Variants in ADGRB1 observed in about 807,000 individuals in gnomAD.
ADGRB1 encodes brain-specific angiogenesis inhibitor 1.
A neutral mutation model predicts 175.7 loss-of-function variants in ADGRB1; 36 were observed. That is an observed-to-expected ratio of 0.20 (90% CI 0.16 to 0.27). The LOEUF is 0.27. Ranked by LOEUF, ADGRB1 falls within the 10% of genes least tolerant of loss-of-function variation. ADGRB1 has a pLI of 1.00. For missense variants in ADGRB1, 1,731 were observed against 2,255.3 expected, an observed-to-expected ratio of 0.77 and a Z score of 4.71; for synonymous variants, 1,054 against 979.4, an observed-to-expected ratio of 1.08 and a Z score of -1.42.
At chr8:142,477,969 T>C (rs1841077384) in intron 6 of ADGRB1, among the ~76,000 whole-genome samples, 1 of 151,230 alleles carries the variant, frequency 6.6e-6, no homozygotes, top group Non-Finnish European at 1.5e-5. Context: ...AGGCTGGATG[T>C]GGGGTGGTGG....
chr8:142,527,994 C>G (rs545496193), intron 24 of ADGRB1, among the ~76,000 whole-genome samples: 1 of 152,204 alleles, frequency 6.6e-6, no homozygotes, highest in Non-Finnish European at 1.5e-5. Flanking sequence ...GGGCCAGCTG[C>G]GTTAGGTGCA....
In ADGRB1 at chr8:142,493,051, G is replaced by A. The variant is rs540953310; in HGVS notation, c.2675+2236G>A. Among the ~76,000 whole-genome samples, 1 of 152,054 alleles carries A rather than the reference G, an allele frequency of 6.6e-6. No individual in the cohort carries two copies. Among genetic ancestry groups the A allele is most frequent in the South Asian group, 2.1e-4 (1 of 4,796 alleles). On this transcript the variant is annotated intron_variant, in intron 17 of 30. Coordinates refer to ENST00000517894, the MANE Select transcript of ADGRB1 (RefSeq NM_001702.3). This position sits in a 1 kb window ranked among gnomAD's most constrained non-coding sequence, Gnocchi z 5.0. ...CCAGCGTGACCAGCGATCTTGCGAGGACAGCTTCACCCGTACTTCTGATTG... is the reference window on the plus strand; with the variant it reads ...CCAGCGTGACCAGCGATCTTGCGAGAACAGCTTCACCCGTACTTCTGATTG...
At position 142,523,914 on chromosome 8, in the gene ADGRB1, G is replaced by A. The variant is rs577878954; in HGVS notation, c.3246-324G>A. Among the ~76,000 whole-genome samples the A allele has an allele frequency of 2.0e-5, 3 of 152,220 alleles. No homozygotes were observed. The East Asian group carries it at 5.8e-4, about 30-fold the overall frequency. The stretch of plus-strand genomic sequence containing the variant: ...AGACCCCAAGAGAAGAGCCAGGAAG[G>A]GCCCAGGCCTGGGGAAGGAGGGACA... On this transcript the variant is annotated intron_variant, in intron 22 of 30. Transcript: ENST00000517894.
At position 142,464,082 on chromosome 8, in the gene ADGRB1, CCCCGCCTCCCTG is replaced by C; in HGVS notation, c.-113_-102del. The C allele has an allele frequency of 5.9e-6, 2 of 337,454 alleles. No individual in the cohort carries two copies. Among genetic ancestry groups the C allele is most frequent in the Non-Finnish European group, 4.5e-6 (1 of 222,270 alleles). The allele number at this position is 337,454 out of a possible 1,614,324, so 20.9% of individuals were successfully genotyped here. A position where few individuals can be genotyped will look rare whatever the true frequency, so the allele number is the denominator to read the frequency against. On this transcript the variant is annotated 5_prime_UTR_variant, in exon 2 of 31. Coordinates refer to ENST00000517894, the MANE Select transcript of ADGRB1 (RefSeq NM_001702.3). ...GGGGCCCTCTCCCATCCCACCCTTG[CCCCGCCTCCCTG>C]CCCCCACCGGGCCGGCCCTGCCCGC... is the stretch of plus-strand genomic sequence containing the variant.
At chr8:142,479,094 T>G in intron 7 of ADGRB1, 2 of 433,330 alleles carry the variant, frequency 4.6e-6, no homozygotes, top group Non-Finnish European at 4.0e-6. Flanking sequence ...GGTGGTGGGG[T>G]TGGCTGCATG....
chr8:142,464,351 C>T lies in ADGRB1; in HGVS notation c.153C>T (p.Phe51=). 6.6e-7 allele frequency: 1 copy of T among 1,517,024 alleles called. No individual in the cohort carries two copies. Among genetic ancestry groups the T allele is most frequent in the Non-Finnish European group, 8.8e-7 (1 of 1,137,590 alleles). 94.0% of individuals were successfully genotyped at this position (1,517,024 alleles called of 1,614,324 possible). ...EPCATLVQGK[F]FGYFSAAAVF... ...GCGCCACGCTGGTGCAGGGAAAGTT[C>T]TTCGGCTACTTCTCCGCGGCCGCCG... The change falls in exon 2 of 31, where the codon TTC becomes TTT. Residue 51 remains phenylalanine, a synonymous_variant. Transcript: ENST00000517894.
intron 12 of ADGRB1, 112 bp from the exon 13 acceptor site, chr8:142,484,544 C>T: frequency 8.6e-7 from 1 of 1,163,086 alleles, no homozygotes; most frequent in Non-Finnish European, 1.2e-6. Context: ...CCCACTTCCT[C>T]AAAATGTTAG....
chr8:142,536,859 G>A (rs1296426859), intron 25 of ADGRB1, 128 bp from the exon 26 acceptor site: 1 of 669,494 alleles, frequency 1.5e-6, no homozygotes, highest in Non-Finnish European at 2.4e-6. Context: ...CTGTGGGGAG[G>A]CCTCCTGCTG....
chr8:142,535,626 C>T lies in ADGRB1; in HGVS notation c.3571-1361C>T, dbSNP rs557523712. On this transcript the variant is annotated intron_variant, in intron 25 of 30. Transcript: ENST00000517894. ...AGCCGGCCCTGTGGCCTGGGACACT[C>T]CTGCAGGTGGGCAAGTCAGTCCCTC... Among the ~76,000 whole-genome samples, 12 of 152,290 alleles carry T rather than the reference C, an allele frequency of 7.9e-5. No individual in the cohort carries two copies. The South Asian group carries it at 2.5e-3, about 32-fold the overall frequency.
intron 2 of ADGRB1, among the ~76,000 whole-genome samples, chr8:142,466,170 G>A (rs1481498493): frequency 2.6e-5 from 4 of 152,156 alleles, no homozygotes; most frequent in South Asian, 2.1e-4. Context: ...TGCATACATC[G>A]GGTGTTCGGG....
chr8:142,488,244 G>T (rs1841790623), intron 13 of ADGRB1, 120 bp from the exon 14 acceptor site: 1 of 1,398,976 alleles, frequency 7.1e-7, no homozygotes, highest in African/African-American at 1.4e-5. Flanking sequence ...CTGAGCCATG[G>T]GCACCCCGCG....
At chr8:142,476,120 C>A (rs762693034) in intron 3 of ADGRB1, among the ~76,000 whole-genome samples, 1 of 152,270 alleles carries the variant, frequency 6.6e-6, no homozygotes, top group Non-Finnish European at 1.5e-5. Flanking sequence ...ATAAGGCTCT[C>A]TAATGACCCC....
Position 142,479,288 on chromosome 8 carries a change from G to A in ADGRB1, c.1562-35G>A, listed in dbSNP as rs777031112. 13 of 1,451,516 alleles carry A rather than the reference G, an allele frequency of 9.0e-6. No individual in the cohort carries two copies. In the African/African-American group the frequency reaches 1.9e-4, roughly 21 times the overall value. The allele number at this position is 1,451,516 out of a possible 1,614,324, so 89.9% of individuals were successfully genotyped here. A position where few individuals can be genotyped will look rare whatever the true frequency, so the allele number is the denominator to read the frequency against. On this transcript the variant is annotated intron_variant, in intron 7 of 30. Transcript: ENST00000517894. ...GTGGCTCCTGGACCCTGCCCTTCTT[G>A]TCGCCTGTGCCCTGTGTCTGGCCAC...
rs1016881048 is a variant in ADGRB1 at position 142,493,972 on chromosome 8, C to T, written c.2675+3157C>T. ...GGCAGGGGCCCAGGTCTGTTTCCACCAGGGCACCAAGGGACCGGGTCCAAG... is the reference window on the plus strand; with the variant it reads ...GGCAGGGGCCCAGGTCTGTTTCCACTAGGGCACCAAGGGACCGGGTCCAAG... On this transcript the variant is annotated intron_variant, in intron 17 of 30. Transcript: ENST00000517894. This position sits in a 1 kb window ranked among gnomAD's most constrained non-coding sequence, Gnocchi z 5.0. Among the ~76,000 whole-genome samples, 3 of 152,152 alleles carry T rather than the reference C, an allele frequency of 2.0e-5. No individual in the cohort carries two copies. The highest frequency in any genetic ancestry group is 2.0e-4 in the Admixed American group (3 of 15,288).
At chr8:142,526,712 A>G (rs188095712) in intron 24 of ADGRB1, 85 bp downstream of exon 24, 1 of 1,342,454 alleles carries the variant, frequency 7.4e-7, no homozygotes, top group African/African-American at 1.4e-5. Context: ...AGAACGCTCC[A>G]TGCCCAATCT....
rs1587338346 is a variant in ADGRB1, at chr8:142,493,808, T to C, written c.2675+2993T>C. Among the ~76,000 whole-genome samples the C allele has an allele frequency of 6.6e-6, 1 of 152,152 alleles. No individual in the cohort carries two copies. The highest frequency in any genetic ancestry group is 1.5e-5 in the Non-Finnish European group (1 of 68,016). On this transcript the variant is annotated intron_variant, in intron 17 of 30. Transcript: ENST00000517894. The surrounding 1 kb of genome is among the most constrained non-coding windows in gnomAD (Gnocchi z 5.0). The stretch of plus-strand genomic sequence containing the variant: ...AGGGAAGGACTGGGACTGACCTCGG[T>C]CCCCTTCCTTCTGCCCCTCACCTCC...
At chr8:142,513,518 T>C (rs1266716861) in intron 18 of ADGRB1, among the ~76,000 whole-genome samples, 1 of 152,070 alleles carries the variant, frequency 6.6e-6, no homozygotes, top group Non-Finnish European at 1.5e-5. Flanking sequence ...AGCCTGCCCC[T>C]GGCAGGTTCC....
chr8:142,477,299 G>T, intron 5 of ADGRB1, 21 bp downstream of exon 5: 1 of 1,508,264 alleles, frequency 6.6e-7, no homozygotes, highest in Non-Finnish European at 9.0e-7. Flanking sequence ...CCTTGGGCTG[G>T]GGCAGCGGAC....
chr8:142,456,309 C>A (rs140510258), intron 1 of ADGRB1, among the ~76,000 whole-genome samples: 31 of 152,274 alleles, frequency 2.0e-4, no homozygotes, highest in African/African-American at 7.2e-4. Flanking sequence ...GCAACTCACT[C>A]TGTGCGCACA....
Sources: allele counts gnomAD v4.1 joint callset (sites outside exome capture counted in the v4.1 genomes callset), GRCh38; gene constraint gnomAD v4.1.1; non-coding constraint Gnocchi (gnomAD v3.1); transcripts MANE v1.5; gene names NCBI Gene and HGNC (gene_info 2026-07-23, HGNC 2026-07-21).